The following MYLK3 variants were observed in gnomAD, a reference collection of about 807,000 sequenced individuals.
MYLK3 encodes the protein MLC kinase.
In MYLK3, 55 loss-of-function variants were observed where a neutral mutation model predicts 76.3. The ratio of observed to expected loss-of-function variants is 0.72; its 90% CI spans 0.58 to 0.90. MYLK3 has a LOEUF of 0.90. MYLK3 is among the 40% of genes least tolerant of loss of function. MYLK3 has a pLI of 0.00. For missense variants in MYLK3, 973 were observed against 1,053.6 expected (o/e 0.92, Z 1.06); for synonymous variants, 416 against 425.4 (o/e 0.98, Z 0.27).
chr16:46,713,014 T>C (rs1018099513), intron 9 of MYLK3, among the ~76,000 whole-genome samples: 6 of 152,128 alleles, frequency 3.9e-5, no homozygotes, highest in Non-Finnish European at 7.4e-5. Flanking sequence ...CCTCCAGGCA[T>C]TTGCTTCTTT....
chr16:46,735,098 A>G (rs1173682734), intron 3 of MYLK3, among the ~76,000 whole-genome samples: 1 of 151,438 alleles, frequency 6.6e-6, no homozygotes, highest in Non-Finnish European at 1.5e-5. Flanking sequence ...CCGAGATGGC[A>G]CCACTGCACT....
intron 1 of MYLK3, among the ~76,000 whole-genome samples, chr16:46,762,369 T>G (rs1307763912): frequency 6.6e-6 from 1 of 152,234 alleles, no homozygotes; most frequent in Non-Finnish European, 1.5e-5. Context: ...CTCAACAATT[T>G]TTTTCTATAA....
At chr16:46,742,447 A>ACACACACACAC (rs1555471290) in intron 1 of MYLK3, among the ~76,000 whole-genome samples, 2,002 of 131,096 alleles carry the variant, frequency 0.015, 56 homozygotes, top group South Asian at 0.076. Flanking sequence ...TCCCAGCAAA[A>ACACACACACAC]ACACACACAC....
chr16:46,730,722 T>C, intron 4 of MYLK3, 24 bp from the exon 5 acceptor site: 1 of 1,606,910 alleles, frequency 6.2e-7, no homozygotes, highest in South Asian at 1.1e-5. Flanking sequence ...AATAAGGACC[T>C]GTGAGCCTCC....
chr16:46,720,983 G>A, intron 9 of MYLK3, 140 bp downstream of exon 9: 1 of 761,432 alleles, frequency 1.3e-6, no homozygotes, highest in South Asian at 1.6e-5. Context: ...CAAGTCAAAG[G>A]CCACCAGCTT....
At chr16:46,731,265 G>A (rs1406902484) in intron 4 of MYLK3, among the ~76,000 whole-genome samples, 2 of 152,234 alleles carry the variant, frequency 1.3e-5, no homozygotes, top group African/African-American at 4.8e-5. Flanking sequence ...GGTGGACAGG[G>A]GATCTGTCGG....
intron 3 of MYLK3, among the ~76,000 whole-genome samples, chr16:46,736,726 C>T (rs1394311275): frequency 6.6e-6 from 1 of 152,198 alleles, no homozygotes. Context: ...ACCAGATCCA[C>T]TCCCTGAGCC....
At position 46,727,282 on chromosome 16, in the gene MYLK3, C is replaced by A; in HGVS notation, c.1868G>T (p.Gly623Val). Residue 623 changes from glycine to valine, a missense_variant, in exon 8 of 13, where the codon GGT becomes GTT. Gly to Val is a moderately radical substitution (Grantham distance 109). Transcript: ENST00000394809. ...GTAGTGCTGGTGCAGGTAATGCACA[C>A]CCTCACAGATCTGCCTGGTGAACAG... ...VVLFTRQICE[G>V]VHYLHQHYIL... The A allele has an allele frequency of 6.2e-7, 1 of 1,614,136 alleles. No individual in the cohort carries two copies. The highest frequency in any genetic ancestry group is 2.2e-5 in the East Asian group (1 of 44,876).
chr16:46,748,349 A>T, upstream of MYLK3: 2 of 1,348,564 alleles, frequency 1.5e-6, no homozygotes, highest in Non-Finnish European at 2.0e-6. The surrounding 1 kb of genome is among the most constrained non-coding windows in gnomAD (Gnocchi z 4.3). Context: ...CTGTGTGAGG[A>T]GCGCAGAGGC....
At chr16:46,718,129 A>G (rs570453108) in intron 9 of MYLK3, among the ~76,000 whole-genome samples, 3 of 152,184 alleles carry the variant, frequency 2.0e-5, no homozygotes, top group Non-Finnish European at 4.4e-5. Flanking sequence ...GTGGTATTAA[A>G]TTTCATGGCA....
Position 46,748,088 on chromosome 16 carries a change from C to T in MYLK3, c.106G>A (p.Val36Met), listed in dbSNP as rs749505754. 6 of 1,614,244 alleles carry T rather than the reference C, an allele frequency of 3.7e-6. No homozygotes were observed. The highest frequency in any genetic ancestry group is 5.1e-6 in the Non-Finnish European group (6 of 1,180,038). ...DTKLNMLNEK[V>M]DQLLHFQEDV... ...TCTTGGAAGTGCAGGAGCTGGTCCA[C>T]CTTCTCGTTCAGCATGTTCAGCTTT... Residue 36 changes from valine to methionine, a missense_variant, in exon 1 of 13, where the codon GTG becomes ATG. Physicochemically the swap from Val to Met is conservative, Grantham distance 21 (BLOSUM62 1). Coordinates refer to ENST00000394809, the MANE Select transcript of MYLK3 (RefSeq NM_182493.3). This position sits in a 1 kb window ranked among gnomAD's most constrained non-coding sequence, Gnocchi z 4.3.
chr16:46,759,899 C>A (rs555356144), intron 1 of MYLK3, among the ~76,000 whole-genome samples: 1 of 152,308 alleles, frequency 6.6e-6, no homozygotes, highest in African/African-American at 2.4e-5. Context: ...TCCCAAAGTG[C>A]GGGATTACAG....
chr16:46,757,789 G>C (rs1967219636), intron 1 of MYLK3, among the ~76,000 whole-genome samples: 1 of 152,208 alleles, frequency 6.6e-6, no homozygotes, highest in African/African-American at 2.4e-5. Flanking sequence ...GTCCAGCTGT[G>C]AAACAAACAC....
intron 1 of MYLK3, among the ~76,000 whole-genome samples, chr16:46,743,146 T>A (rs370113589): frequency 9.2e-5 from 14 of 152,198 alleles, no homozygotes; most frequent in African/African-American, 2.9e-4. Context: ...CACATATGCC[T>A]GGGGCTGTTT....
intron 3 of MYLK3, among the ~76,000 whole-genome samples, chr16:46,736,561 T>C (rs1966869303): frequency 6.6e-6 from 1 of 152,142 alleles, no homozygotes; most frequent in African/African-American, 2.4e-5. Context: ...CAGCCCCAGA[T>C]TCCACATTTA....
Position 46,738,407 on chromosome 16 carries a change from T to C in MYLK3, c.569-264A>G, listed in dbSNP as rs528457752. ...AGCTTGCCTCTACTAAAAATAAACA[T>C]TTTTAAATGAGTTGGGCATGGTCAC... On this transcript the variant is annotated intron_variant, in intron 2 of 12. Transcript: ENST00000394809. Among the ~76,000 whole-genome samples, 48 of 152,254 alleles carry C rather than the reference T, an allele frequency of 3.2e-4. 1 individual carries two copies. Among genetic ancestry groups the C allele is most frequent in the African/African-American group, 1.1e-3 (47 of 41,550 alleles).
intron 1 of MYLK3, among the ~76,000 whole-genome samples, chr16:46,759,196 C>A (rs372839260): frequency 6.6e-6 from 1 of 152,208 alleles, no homozygotes; most frequent in Non-Finnish European, 1.5e-5. Flanking sequence ...CACCCCTGGG[C>A]GAAGACTTCT....
At chr16:46,733,130 G>A (rs558832853) in intron 3 of MYLK3, among the ~76,000 whole-genome samples, 3 of 152,338 alleles carry the variant, frequency 2.0e-5, no homozygotes, top group South Asian at 4.1e-4. Context: ...GGGAGGCCAA[G>A]GTGGGAGGAT....
chr16:46,708,985 T>C (rs907187473), intron 12 of MYLK3, among the ~76,000 whole-genome samples: 3 of 152,214 alleles, frequency 2.0e-5, no homozygotes, highest in Admixed American at 2.0e-4. Context: ...ACTTCAAGTG[T>C]CCATATAAGC....
Sources: gnomAD v4.1 joint callset for allele counts (sites outside exome capture counted in the v4.1 genomes callset) on GRCh38, gnomAD v4.1.1 for gene constraint, Gnocchi (gnomAD v3.1) non-coding constraint, MANE v1.5 for transcripts, NCBI Gene and HGNC (gene_info 2026-07-23, HGNC 2026-07-21) for gene names.